Variants in KMT2E observed in about 807,000 individuals in gnomAD.
KMT2E encodes the protein lysine methyltransferase 2E (inactive), also known as histone reader KMT2E.
A neutral mutation model predicts 184.6 loss-of-function variants in KMT2E; 30 were observed. The observed-to-expected ratio is 0.16, with a 90% confidence interval of 0.12 to 0.22. The LOEUF (loss-of-function observed/expected upper bound fraction) is 0.22, where lower values mean the gene tolerates loss of function less well. Among genes scored for constraint, KMT2E ranks in the 10% least tolerant of loss-of-function variants. KMT2E has a pLI of 1.00. For missense variants in KMT2E, 2,023 were observed against 2,237.4 expected, an observed-to-expected ratio of 0.90 and a Z score of 1.93; for synonymous variants, 815 against 776.5, an observed-to-expected ratio of 1.05 and a Z score of -0.82.
At chr7:105,093,300 T>C (rs1798281975) in intron 15 of KMT2E, among the ~76,000 whole-genome samples, 1 of 152,204 alleles carries the variant, frequency 6.6e-6, no homozygotes, top group African/African-American at 2.4e-5. Context: ...AAAACATTTG[T>C]ATGGGGCTAC....
At chr7:105,015,915 G>A (rs1361675048) in intron 1 of KMT2E, among the ~76,000 whole-genome samples, 185 of 141,668 alleles carry the variant, frequency 1.3e-3, no homozygotes, top group African/African-American at 4.3e-3. Flanking sequence ...CTCCACTTTT[G>A]AAAAAAAAAA....
In KMT2E at chr7:105,107,472, T is replaced by G; in HGVS notation, c.3015T>G (p.Ser1005Arg). ...CTATTGGTTATACGAGCCCTAGGAG[T>G]AGGACTGAAGTCAACAGGCAGTGTC... is the stretch of plus-strand genomic sequence containing the variant. ...IKTIGYTSPR[S>R]RTEVNRQCPG... The change falls in exon 22 of 27, where the codon AGT (serine) becomes AGG (arginine). Residue 1005 changes from serine (S) to arginine (R), a missense_variant. Around this residue, in one of 8 missense-constraint regions of KMT2E, gnomAD observed 1,108 missense variants for 1,050.9 expected, o/e 1.05. Transcript: ENST00000311117. The G allele has an allele frequency of 1.2e-6, 2 of 1,613,906 alleles. No individual in the cohort carries two copies. The highest frequency in any genetic ancestry group is 1.7e-6 in the Non-Finnish European group (2 of 1,179,966).
At chr7:105,031,493 T>G (rs1055194050) in intron 1 of KMT2E, among the ~76,000 whole-genome samples, 1 of 152,088 alleles carries the variant, frequency 6.6e-6, no homozygotes. Flanking sequence ...GGCTCATGCC[T>G]GTAATCCCAT....
At chr7:105,054,458 G>A (rs71562637) in intron 3 of KMT2E, among the ~76,000 whole-genome samples, 9,789 of 136,500 alleles carry the variant, frequency 0.072, 620 homozygotes, top group East Asian at 0.22. Flanking sequence ...CTGTCTGTCT[G>A]TCTATCTATC....
chr7:105,098,702 C>G (rs1435540982), intron 15 of KMT2E, among the ~76,000 whole-genome samples: 2 of 151,972 alleles, frequency 1.3e-5, no homozygotes, highest in Non-Finnish European at 2.9e-5. Flanking sequence ...CTGCGCCCAG[C>G]CTAAATTTTT....
intron 12 of KMT2E, among the ~76,000 whole-genome samples, chr7:105,079,214 A>T (rs1016616144): frequency 8.7e-5 from 13 of 148,910 alleles, no homozygotes; most frequent in Admixed American, 5.4e-4. Flanking sequence ...CAGCTCATGT[A>T]ACCTCCGTCT....
intron 15 of KMT2E, among the ~76,000 whole-genome samples, chr7:105,097,388 T>G (rs1305205119): frequency 5.3e-5 from 8 of 152,160 alleles, no homozygotes; most frequent in Admixed American, 4.6e-4. Flanking sequence ...TGTTTATTAT[T>G]TTTTTCATTT....
rs1797767356 is a variant in KMT2E at position 105,081,624 on chromosome 7, G to T, written c.1249-64G>T. On this transcript the variant is annotated intron_variant, in intron 12 of 26. Transcript: ENST00000311117. The stretch of plus-strand genomic sequence containing the variant: ...TTTGAAAAGAATAATTTTCAAAATT[G>T]TAAGCTGATGCTTCTGAAGGCAGAA... The T allele has an allele frequency of 2.5e-5, 20 of 814,598 alleles. No homozygotes were observed. The South Asian group carries it at 3.0e-4, about 12-fold the overall frequency. 50.5% of individuals were successfully genotyped at this position (814,598 alleles called of 1,614,324 possible).
intron 1 of KMT2E, among the ~76,000 whole-genome samples, chr7:105,035,110 C>T (rs146551552): frequency 0.029 from 4,367 of 150,618 alleles, 202 homozygotes; most frequent in African/African-American, 0.1. Flanking sequence ...CTGCACGCTC[C>T]GCCTCCTGGG....
intron 1 of KMT2E, among the ~76,000 whole-genome samples, chr7:105,027,450 A>G (rs1352510216): frequency 6.6e-6 from 1 of 151,666 alleles, no homozygotes; most frequent in East Asian, 1.9e-4. Context: ...TTGACATTTC[A>G]TTTTTGCCTG....
intron 1 of KMT2E, among the ~76,000 whole-genome samples, chr7:105,019,733 C>T (rs914461147): frequency 2.0e-5 from 3 of 152,132 alleles, no homozygotes. Context: ...AATTTCTTAG[C>T]ACCTCTTAGG....
At chr7:105,098,038 C>T (rs1386740016) in intron 15 of KMT2E, among the ~76,000 whole-genome samples, 1 of 152,162 alleles carries the variant, frequency 6.6e-6, no homozygotes, top group Non-Finnish European at 1.5e-5. Flanking sequence ...AGACACCACA[C>T]AAGCCATACG....
chr7:105,110,199 C>A, intron 23 of KMT2E, 81 bp from the exon 24 acceptor site: 2 of 1,088,592 alleles, frequency 1.8e-6, no homozygotes, highest in Admixed American at 1.8e-5. Context: ...CTTGGTCTGA[C>A]AGTACATGTT....
At chr7:105,055,875 G>A (rs897520609) in intron 3 of KMT2E, among the ~76,000 whole-genome samples, 5 of 150,108 alleles carry the variant, frequency 3.3e-5, no homozygotes, top group African/African-American at 1.2e-4. Flanking sequence ...TGTTACACTT[G>A]TTTGTTTGCC....
chr7:105,063,370 GTCC>G lies in KMT2E; in HGVS notation c.213_215del (p.Pro72del). On this transcript the variant is annotated inframe_deletion, in exon 5 of 27. Coordinates refer to ENST00000311117, the MANE Select transcript of KMT2E (RefSeq NM_182931.3). ...ATTCAGGACCATAATTATGGTGCTC[GTCC>G]TCCTCCGACACCTCCGGCTTCCCCT... 1 of 1,610,150 alleles carries G rather than the reference GTCC, an allele frequency of 6.2e-7. No homozygotes were observed.
intron 17 of KMT2E, chr7:105,104,203 G>C (rs950649719): frequency 6.6e-6 from 1 of 151,588 alleles, no homozygotes; most frequent in Admixed American, 6.6e-5. Flanking sequence ...ATGGTTACTC[G>C]TTTTTTTTAA....
chr7:105,067,256 A>T (rs1562903439), intron 6 of KMT2E, among the ~76,000 whole-genome samples: 1 of 151,950 alleles, frequency 6.6e-6, no homozygotes. Context: ...TTTATTAATG[A>T]TGCATAAAAT....
chr7:105,076,428 C>T (rs1298908706), intron 9 of KMT2E, among the ~76,000 whole-genome samples: 1 of 152,142 alleles, frequency 6.6e-6, no homozygotes, highest in African/African-American at 2.4e-5. Flanking sequence ...TGAAAATTTG[C>T]ACTTTTGCAT....
rs1357529939 is a variant in KMT2E, at chr7:105,112,331, A to G, written c.4575A>G (p.Gly1525=). The G allele has an allele frequency of 6.2e-7, 1 of 1,613,572 alleles. No homozygotes were observed. The highest frequency in any genetic ancestry group is 2.2e-5 in the East Asian group (1 of 44,896). ...SGTLFTQTPS[G]QSSATYSQFN... is the part of the protein sequence containing the mutation. The stretch of plus-strand genomic sequence containing the variant: ...CATTATTTACACAGACACCCTCAGG[A>G]CAATCTTCAGCAACATACAGTCAGT... Residue 1525 remains glycine, a synonymous_variant, in exon 27 of 27, where the codon GGA becomes GGG. Transcript: ENST00000311117.
Sources: gnomAD v4.1 joint callset for allele counts (sites outside exome capture counted in the v4.1 genomes callset) on GRCh38, gnomAD v4.1.1 for gene constraint, gnomAD v4.1.1 regional missense constraint, MANE v1.5 for transcripts, NCBI Gene and HGNC (gene_info 2026-07-23, HGNC 2026-07-21) for gene names.